The following LRRC37A2 variants were observed in gnomAD, a reference collection of about 807,000 sequenced individuals.
LRRC37A2 encodes leucine-rich repeat-containing protein 37A2.
In LRRC37A2, 9 loss-of-function variants were observed where a neutral mutation model predicts 68.8. That is an observed-to-expected ratio of 0.13 (90% CI 0.08 to 0.23). The LOEUF (loss-of-function observed/expected upper bound fraction) is 0.23. LRRC37A2 is among the 10% of genes least tolerant of loss of function. The pLI is 1.00. For synonymous variants in LRRC37A2, 63 were observed against 367.6 expected, an observed-to-expected ratio of 0.17 and a Z score of 9.48; for missense variants, 168 against 950.4, an observed-to-expected ratio of 0.18 and a Z score of 10.82.
the LRRC37A2 span, chr17:46,756,143 A>T: frequency 4.0e-6 from 1 of 248,238 alleles, no homozygotes; most frequent in Non-Finnish European, 7.7e-6. Flanking sequence ...CAACCTCTCT[A>T]CTAGCACCAT....
At chr17:46,778,779 C>T in the LRRC37A2 span, among the ~76,000 whole-genome samples, 1 of 151,950 alleles carries the variant, frequency 6.6e-6, no homozygotes, top group Non-Finnish European at 1.5e-5. Context: ...GCCCTCGGCT[C>T]GAAGCACCTC....
At chr17:46,768,402 T>C in the LRRC37A2 span, 1 of 1,613,870 alleles carries the variant, frequency 6.2e-7, no homozygotes, top group Non-Finnish European at 8.5e-7. The surrounding 1 kb of genome is among the most constrained non-coding windows in gnomAD (Gnocchi z 5.0). Flanking sequence ...GCAGTGGCAT[T>C]TTTCCTTCCG....
chr17:47,033,943 A>G, the LRRC37A2 span, among the ~76,000 whole-genome samples: 1 of 152,266 alleles, frequency 6.6e-6, no homozygotes. Context: ...CCATAAAGAT[A>G]CCAAAAAGGC....
chr17:46,784,465 G>A, the LRRC37A2 span, among the ~76,000 whole-genome samples: 2 of 152,094 alleles, frequency 1.3e-5, no homozygotes, highest in African/African-American at 4.8e-5. Flanking sequence ...TGGGCACACG[G>A]TGGGAGGACA....
chr17:46,525,540 T>C (rs2052591402), intron 6 of LRRC37A2, among the ~76,000 whole-genome samples: 1 of 111,356 alleles, frequency 9.0e-6, no homozygotes, highest in Non-Finnish European at 2.0e-5. Context: ...TGAGCCGAGA[T>C]GGCACCATTG....
At chr17:47,008,638 T>C in the LRRC37A2 span, among the ~76,000 whole-genome samples, 1 of 151,580 alleles carries the variant, frequency 6.6e-6, no homozygotes, top group East Asian at 1.9e-4. Flanking sequence ...TTTTTTTGTT[T>C]TGTTTTGTTT....
the LRRC37A2 span, among the ~76,000 whole-genome samples, chr17:47,047,679 C>T: frequency 1.1e-4 from 17 of 151,926 alleles, 1 homozygote; most frequent in South Asian, 2.1e-4. Context: ...GATACGGTTT[C>T]GGTTTTTCTG....
the LRRC37A2 span, among the ~76,000 whole-genome samples, chr17:46,671,736 T>A: frequency 1.1e-5 from 1 of 90,848 alleles, no homozygotes; most frequent in Non-Finnish European, 2.5e-5. Context: ...ATGGTAATAA[T>A]TTGTGAATTG....
the LRRC37A2 span, chr17:47,018,615 C>A: frequency 6.6e-7 from 1 of 1,520,314 alleles, no homozygotes; most frequent in African/African-American, 1.4e-5. Flanking sequence ...TTTAGCAGTT[C>A]AACAGGAGAC....
chr17:46,525,629 C>A (rs1245398722), intron 6 of LRRC37A2, among the ~76,000 whole-genome samples: 15 of 122,848 alleles, frequency 1.2e-4, no homozygotes, highest in African/African-American at 3.7e-4. Flanking sequence ...TCATCATCAT[C>A]ATCATCATCA....
At chr17:46,722,230 C>G in the LRRC37A2 span, 1 of 1,293,176 alleles carries the variant, frequency 7.7e-7, no homozygotes. Flanking sequence ...CGCGAGAGCA[C>G]GTCAAAATCC....
chr17:46,905,051 C>T, the LRRC37A2 span, among the ~76,000 whole-genome samples: 3 of 152,012 alleles, frequency 2.0e-5, no homozygotes, highest in African/African-American at 4.8e-5. Flanking sequence ...GGAATGGCAG[C>T]GGCCCTAGAG....
At chr17:46,935,414 C>A in the LRRC37A2 span, 224 of 1,426,892 alleles carry the variant, frequency 1.6e-4, no homozygotes, top group African/African-American at 3.0e-3. Context: ...CAGGTCTTTT[C>A]CCATTTACTG....
At chr17:46,667,849 AC>A in the LRRC37A2 span, among the ~76,000 whole-genome samples, 8 of 109,298 alleles carry the variant, frequency 7.3e-5, no homozygotes, top group African/African-American at 2.6e-4. Flanking sequence ...TTCTCCTGTT[AC>A]CAACTCCAGC....
the LRRC37A2 span, among the ~76,000 whole-genome samples, chr17:46,993,075 T>TC: frequency 1.0e-4 from 1 of 10,046 alleles, no homozygotes; most frequent in Non-Finnish European, 3.4e-4. Context: ...AGATTTTGAT[T>TC]TTTTTTTTTT....
At chr17:46,823,111 A>ATG in the LRRC37A2 span, among the ~76,000 whole-genome samples, 2 of 96,178 alleles carry the variant, frequency 2.1e-5, no homozygotes, top group Admixed American at 1.0e-4. Context: ...ATAAACACAT[A>ATG]TATTATATAT....
At chr17:46,900,186 T>TACAC in the LRRC37A2 span, among the ~76,000 whole-genome samples, 21 of 122,690 alleles carry the variant, frequency 1.7e-4, no homozygotes, top group African/African-American at 7.8e-4. Context: ...TATATATATA[T>TACAC]ATATATATAT....
chr17:46,860,631 A>C, the LRRC37A2 span, among the ~76,000 whole-genome samples: 3 of 152,242 alleles, frequency 2.0e-5, no homozygotes, highest in African/African-American at 7.2e-5. Flanking sequence ...TCTCTATATA[A>C]GGATTCCAAG....
chr17:46,989,629 G>A, the LRRC37A2 span, among the ~76,000 whole-genome samples: 3 of 152,210 alleles, frequency 2.0e-5, no homozygotes, highest in African/African-American at 4.8e-5. Flanking sequence ...CCCTTGTATC[G>A]TCACTCCCAC....
Sources: allele counts gnomAD v4.1 joint callset (sites outside exome capture counted in the v4.1 genomes callset), GRCh38; gene constraint gnomAD v4.1.1; non-coding constraint Gnocchi (gnomAD v3.1); transcripts MANE v1.5; gene names NCBI Gene and HGNC (gene_info 2026-07-23, HGNC 2026-07-21).